Variants in APC observed in about 807,000 individuals in gnomAD.
APC encodes APC regulator of Wnt signaling pathway, also known as adenomatous polyposis coli protein.
In APC, 72 loss-of-function variants were observed where a neutral mutation model predicts 247.0. The ratio of observed to expected loss-of-function variants is 0.29; its 90% confidence interval spans 0.24 to 0.35. The LOEUF is 0.35. Ranked by LOEUF, APC falls within the 10% of genes least tolerant of loss-of-function variation. The pLI is 1.00. For missense variants in APC, 3,400 were observed against 3,360.7 expected, an observed-to-expected ratio of 1.01 and a Z score of -0.29; for synonymous variants, 1,254 against 1,162.5, an observed-to-expected ratio of 1.08 and a Z score of -1.60.
chr5:112,766,459 C>A, intron 3 of APC, 49 bp downstream of exon 3: 3 of 1,304,696 alleles, frequency 2.3e-6, no homozygotes, highest in South Asian at 2.4e-5. Context: ...CTCAAATTGT[C>A]ATCTTTAGGT....
intron 8 of APC, among the ~76,000 whole-genome samples, chr5:112,804,368 A>G (rs1176350130): frequency 6.6e-6 from 1 of 152,290 alleles, no homozygotes; most frequent in East Asian, 1.9e-4. Flanking sequence ...ATTAATAAAT[A>G]TTATTGACTT....
chr5:112,787,251 G>A (rs966841998), intron 6 of APC, among the ~76,000 whole-genome samples: 5 of 152,232 alleles, frequency 3.3e-5, no homozygotes, highest in African/African-American at 1.2e-4. Context: ...GGGCATGGCT[G>A]TGTTTCAGTA....
intron 14 of APC, chr5:112,830,047 A>AT (rs1764147141): frequency 6.6e-6 from 1 of 151,916 alleles, no homozygotes; most frequent in African/African-American, 2.4e-5. Context: ...CACAGCCTAC[A>AT]TGTTCTTCTT....
upstream of APC, among the ~76,000 whole-genome samples, chr5:112,733,218 A>G (rs1752185200): frequency 6.6e-6 from 1 of 152,334 alleles, no homozygotes; most frequent in African/African-American, 2.4e-5. Context: ...AGATAAAGCT[A>G]TAGTATGGTC....
chr5:112,776,274 T>TA (rs2149619337), intron 5 of APC, among the ~76,000 whole-genome samples: 1 of 152,368 alleles, frequency 6.6e-6, no homozygotes, highest in East Asian at 1.9e-4. Context: ...CATTCTGATT[T>TA]ACTACAAAGG....
At chr5:112,712,734 A>AAT (rs1217355712) in intron 1 of APC, among the ~76,000 whole-genome samples, 1 of 151,952 alleles carries the variant, frequency 6.6e-6, no homozygotes, top group Non-Finnish European at 1.5e-5. Context: ...TCTCTTTTCT[A>AAT]ACTACCTCTC....
chr5:112,714,983 TA>T (rs1386005484), intron 1 of APC, among the ~76,000 whole-genome samples: 3 of 152,220 alleles, frequency 2.0e-5, no homozygotes, highest in African/African-American at 4.8e-5. Flanking sequence ...AGAGTTGAGG[TA>T]CCCCTTGGGG....
Position 112,842,184 on chromosome 5 carries a change from G to A in APC, c.6590G>A (p.Ser2197Asn), listed in dbSNP as rs1580672466. Residue 2197 changes from serine to asparagine, a missense_variant, in exon 16 of 16, where the codon AGT becomes AAT. By Grantham distance (46) the Ser-to-Asn change is conservative (BLOSUM62 1). Around this residue, in one of 9 missense-constraint regions of APC, gnomAD observed 1,788 missense variants for 1,649.5 expected, o/e 1.08. Transcript: ENST00000257430. ...GIKGGKKVYK[S>N]LITGKVRSNS... ...AAAGGAGGAAAAAAAGTTTATAAAA[G>A]TTTGATTACTGGAAAAGTTCGATCT... The A allele has an allele frequency of 1.2e-6, 2 of 1,613,092 alleles. No homozygotes were observed. The highest frequency in any genetic ancestry group is 1.7e-6 in the Non-Finnish European group (2 of 1,179,190).
intron 10 of APC, 149 bp downstream of exon 10, chr5:112,819,493 T>A: frequency 9.1e-7 from 1 of 1,104,950 alleles, no homozygotes; most frequent in South Asian, 1.5e-5. Flanking sequence ...TTTAAAAGAT[T>A]AAGTCTGTAT....
At chr5:112,818,440 G>A (rs187097922) in intron 9 of APC, among the ~76,000 whole-genome samples, 6 of 108,810 alleles carry the variant, frequency 5.5e-5, no homozygotes, top group African/African-American at 1.0e-4. Context: ...ATTTATAATC[G>A]TATAATTTTA....
At position 112,755,127 on chromosome 5, in the gene APC, T is replaced by C. The variant is rs1754817017; in HGVS notation, c.135+102T>C. 8 of 1,517,652 alleles carry C rather than the reference T, an allele frequency of 5.3e-6. No individual in the cohort carries two copies. In the Admixed American group the frequency reaches 1.5e-4, roughly 29 times the overall value. 94.0% of individuals were successfully genotyped at this position (1,517,652 alleles called of 1,614,324 possible). A position where few individuals can be genotyped will look rare whatever the true frequency, so the allele number is the denominator to read the frequency against. On this transcript the variant is annotated intron_variant, in intron 2 of 15. Coordinates refer to ENST00000257430, the MANE Select transcript of APC (RefSeq NM_000038.6). ...ACTTTACTTAAAAGTGTATTTTAAA[T>C]TAAGCAATAATATGTAAACTCTTTC...
intron 9 of APC, 105 bp downstream of exon 9, chr5:112,815,698 G>T: frequency 2.4e-6 from 2 of 834,744 alleles, no homozygotes; most frequent in South Asian, 2.8e-5. Context: ...CATTTTGGGA[G>T]GCCAAGGCAG....
chr5:112,749,332 T>A (rs551115301), intron 1 of APC, among the ~76,000 whole-genome samples: 3 of 152,314 alleles, frequency 2.0e-5, no homozygotes, highest in Non-Finnish European at 4.4e-5. Context: ...AAATATTTGC[T>A]ATTTTTCCAT....
At chr5:112,759,816 T>C (rs568770440) in intron 2 of APC, among the ~76,000 whole-genome samples, 1 of 152,314 alleles carries the variant, frequency 6.6e-6, no homozygotes, top group South Asian at 2.1e-4. Flanking sequence ...AGCTGCCACT[T>C]CTCAAAGAAC....
chr5:112,810,623 G>A (rs1196348190), intron 8 of APC, among the ~76,000 whole-genome samples: 4 of 152,114 alleles, frequency 2.6e-5, no homozygotes, highest in Non-Finnish European at 5.9e-5. Context: ...TCATGTCAGG[G>A]TGTAGAGAAA....
intron 8 of APC, among the ~76,000 whole-genome samples, chr5:112,805,020 C>A (rs961688052): frequency 6.6e-6 from 1 of 150,610 alleles, no homozygotes; most frequent in Admixed American, 6.6e-5. Flanking sequence ...AAAAAAAAAA[C>A]TTAAAAGCAA....
intron 11 of APC, among the ~76,000 whole-genome samples, chr5:112,825,901 GTC>G (rs928113744): frequency 6.6e-6 from 1 of 152,126 alleles, no homozygotes; most frequent in African/African-American, 2.4e-5. Flanking sequence ...TTTGTTCACT[GTC>G]TCTGTATTTT....
In APC at chr5:112,846,106, T is replaced by C. The variant is rs1018364759; in HGVS notation, c.*1980T>C. ...CTGTACTGTGTCTACTGCACCACTT[T>C]GTAAACACTTCAATTTACTATCTTT... is the stretch of plus-strand genomic sequence containing the variant. On this transcript the variant is annotated 3_prime_UTR_variant, in exon 16 of 16. Coordinates refer to ENST00000257430, the MANE Select transcript of APC (RefSeq NM_000038.6). The C allele has an allele frequency of 1.3e-5, 3 of 232,340 alleles. No individual in the cohort carries two copies. The allele number at this position is 232,340 out of a possible 1,614,324, so 14.4% of individuals were successfully genotyped here. A position where few individuals can be genotyped will look rare whatever the true frequency, so the allele number is the denominator to read the frequency against.
rs1291847947 is a variant in APC, at chr5:112,843,337, T to C, written c.7743T>C (p.Ser2581=). The change falls in exon 16 of 16, where the codon AGT becomes AGC. Residue 2581 remains serine (S), a synonymous_variant. Coordinates refer to ENST00000257430, the MANE Select transcript of APC (RefSeq NM_000038.6). The surrounding 1 kb of genome is among the most constrained non-coding windows in gnomAD (Gnocchi z 4.8). ...TTCTTTCTGCTTCATCAGAATCCAG[T>C]GAAAAAGCAAAAAGTGAGGATGAAA... is the stretch of plus-strand genomic sequence containing the variant. ...SSILSASSES[S]EKAKSEDEKH... 1 of 1,613,282 alleles carries C rather than the reference T, an allele frequency of 6.2e-7. No individual in the cohort carries two copies. Among genetic ancestry groups the C allele is most frequent in the Non-Finnish European group, 8.5e-7 (1 of 1,179,750 alleles).
Sources: allele counts gnomAD v4.1 joint callset (sites outside exome capture counted in the v4.1 genomes callset), GRCh38; gene constraint gnomAD v4.1.1; regional missense constraint gnomAD v4.1.1; non-coding constraint Gnocchi (gnomAD v3.1); transcripts MANE v1.5; gene names NCBI Gene and HGNC (gene_info 2026-07-23, HGNC 2026-07-21).